The following ASCC3 variants were observed in gnomAD, a reference collection of about 807,000 sequenced individuals.
ASCC3 encodes the protein ASC-1 complex subunit P200.
In ASCC3, 158 loss-of-function variants were observed where a neutral mutation model predicts 256.3. The ratio of observed to expected loss-of-function variants is 0.62; its 90% CI spans 0.54 to 0.70. ASCC3 has a LOEUF of 0.70. ASCC3 is among the 30% of genes least tolerant of loss of function. The pLI is 0.00. For synonymous variants in ASCC3, 948 were observed against 883.4 expected (o/e 1.07, Z -1.30); for missense variants, 2,259 against 2,626.0 (o/e 0.86, Z 3.05).
intron 36 of ASCC3, among the ~76,000 whole-genome samples, chr6:100,557,603 C>T (rs1769671366): frequency 6.8e-6 from 1 of 146,568 alleles, no homozygotes; most frequent in Admixed American, 7.1e-5. Context: ...TTTACAGTTG[C>T]TGTTTACCTG....
chr6:100,783,815 C>T (rs900582195), intron 8 of ASCC3, among the ~76,000 whole-genome samples: 13 of 151,598 alleles, frequency 8.6e-5, no homozygotes, highest in Non-Finnish European at 1.8e-4. Flanking sequence ...GTAAACTGTT[C>T]ACTAATCTAT....
intron 11 of ASCC3, among the ~76,000 whole-genome samples, chr6:100,721,057 T>C (rs77188619): frequency 0.027 from 4,106 of 151,204 alleles, 152 homozygotes; most frequent in East Asian, 0.15. Context: ...TGCTTAAAAA[T>C]ATTATGATAT....
At position 100,642,464 on chromosome 6, in the gene ASCC3, T is replaced by A. The variant is rs73502911; in HGVS notation, c.3901+117A>T. The A allele has an allele frequency of 2.9e-3, 3,053 of 1,045,376 alleles. 67 individuals carry two copies. The African/African-American group carries it at 0.045, about 16-fold the overall frequency. The allele number at this position is 1,045,376 out of a possible 1,614,324, so 64.8% of individuals were successfully genotyped here. A position where few individuals can be genotyped will look rare whatever the true frequency, so the allele number is the denominator to read the frequency against. On this transcript the variant is annotated intron_variant, in intron 24 of 41. Coordinates refer to ENST00000369162, the MANE Select transcript of ASCC3 (RefSeq NM_006828.4). ...GACAAATGAAATAAAAAGGGAGTTATAGAGAAGTTATAATGATTACAAGTA... is the reference window on the plus strand; with the variant it reads ...GACAAATGAAATAAAAAGGGAGTTAAAGAGAAGTTATAATGATTACAAGTA...
At chr6:100,813,293 T>G (rs955512216) in intron 4 of ASCC3, among the ~76,000 whole-genome samples, 2 of 151,898 alleles carry the variant, frequency 1.3e-5, no homozygotes, top group Non-Finnish European at 2.9e-5. Flanking sequence ...CTGTCTCTAC[T>G]AAAAATACAA....
chr6:100,695,697 A>G (rs1162734097), intron 13 of ASCC3, among the ~76,000 whole-genome samples: 1 of 151,544 alleles, frequency 6.6e-6, no homozygotes, highest in Non-Finnish European at 1.5e-5. Context: ...TGCATGGCCA[A>G]TTGGTCTACT....
chr6:100,581,411 C>T (rs1771251449), intron 36 of ASCC3, among the ~76,000 whole-genome samples: 1 of 152,024 alleles, frequency 6.6e-6, no homozygotes, highest in Non-Finnish European at 1.5e-5. Flanking sequence ...ATGTCCTTCA[C>T]CCACTTTTTG....
At chr6:100,632,495 G>A (rs7767971) in intron 25 of ASCC3, among the ~76,000 whole-genome samples, 4,606 of 152,008 alleles carry the variant, frequency 0.03, 76 homozygotes, top group African/African-American at 0.055. Flanking sequence ...AGGAAGCACA[G>A]AGACCTTGAA....
At chr6:100,642,818 TTAAGA>T in intron 23 of ASCC3, 69 bp from the exon 24 acceptor site, 1 of 1,346,506 alleles carries the variant, frequency 7.4e-7, no homozygotes, top group East Asian at 2.4e-5. Flanking sequence ...TAGTCTATTG[TTAAGA>T]TAACGGTATC....
At chr6:100,563,885 T>C (rs1357979788) in intron 36 of ASCC3, among the ~76,000 whole-genome samples, 2 of 152,248 alleles carry the variant, frequency 1.3e-5, no homozygotes, top group South Asian at 2.1e-4. Flanking sequence ...AGATATCATA[T>C]GGTAGGTAAT....
chr6:100,769,141 C>T (rs1358220654), intron 8 of ASCC3, among the ~76,000 whole-genome samples: 2 of 151,980 alleles, frequency 1.3e-5, no homozygotes, highest in African/African-American at 4.8e-5. Context: ...ACCACATGAT[C>T]TCACTCATAT....
At chr6:100,742,039 G>A (rs1241535910) in intron 10 of ASCC3, among the ~76,000 whole-genome samples, 2 of 152,070 alleles carry the variant, frequency 1.3e-5, no homozygotes, top group African/African-American at 4.8e-5. Context: ...TCTCTGACTG[G>A]GGTTTTTGGG....
At chr6:100,875,645 A>G (rs575742519) in intron 1 of ASCC3, among the ~76,000 whole-genome samples, 10 of 152,300 alleles carry the variant, frequency 6.6e-5, no homozygotes, top group Admixed American at 5.9e-4. Context: ...GACAGTAGAG[A>G]GTTAAGAACA....
intron 8 of ASCC3, among the ~76,000 whole-genome samples, chr6:100,781,380 T>G (rs1362801705): frequency 1.3e-5 from 2 of 152,202 alleles, no homozygotes; most frequent in South Asian, 2.1e-4. Flanking sequence ...CTTGTTTTTT[T>G]GTTTCGTTTT....
At chr6:100,589,916 T>G in intron 35 of ASCC3, 32 bp downstream of exon 35, 1 of 1,598,354 alleles carries the variant, frequency 6.3e-7, no homozygotes, top group Non-Finnish European at 8.6e-7. Context: ...TGGGCAATCT[T>G]TTCAATTAGA....
intron 33 of ASCC3, among the ~76,000 whole-genome samples, chr6:100,604,767 C>T (rs1055902634): frequency 2.0e-5 from 3 of 151,926 alleles, no homozygotes; most frequent in Admixed American, 6.6e-5. Context: ...TTAAAATCAA[C>T]ATTATTAGCA....
At chr6:100,518,447 A>C (rs1288798660) in intron 37 of ASCC3, among the ~76,000 whole-genome samples, 1 of 152,172 alleles carries the variant, frequency 6.6e-6, no homozygotes, top group Non-Finnish European at 1.5e-5. Flanking sequence ...CAGTATACTT[A>C]CTATGAGAGC....
chr6:100,771,326 T>C (rs564447732), intron 8 of ASCC3, among the ~76,000 whole-genome samples: 33 of 152,152 alleles, frequency 2.2e-4, no homozygotes, highest in Non-Finnish European at 4.1e-4. Context: ...ATAAAACATG[T>C]AGAAGAAAAC....
chr6:100,528,803 A>G (rs556534001), intron 37 of ASCC3, among the ~76,000 whole-genome samples: 2 of 152,200 alleles, frequency 1.3e-5, no homozygotes, highest in African/African-American at 2.4e-5. Flanking sequence ...GAATACTTTC[A>G]AAGCAGCTGT....
At chr6:100,587,969 G>T (rs924176738) in intron 36 of ASCC3, among the ~76,000 whole-genome samples, 11 of 152,062 alleles carry the variant, frequency 7.2e-5, no homozygotes, top group African/African-American at 2.7e-4. Context: ...TTCCTTTACA[G>T]CATGTATCTA....
Sources: gnomAD v4.1 joint callset for allele counts (sites outside exome capture counted in the v4.1 genomes callset) on GRCh38, gnomAD v4.1.1 for gene constraint, MANE v1.5 for transcripts, NCBI Gene and HGNC (gene_info 2026-07-23, HGNC 2026-07-21) for gene names.